Variants in UGT1A8 observed in about 807,000 individuals in gnomAD.
UGT1A8 encodes the protein UDP glucuronosyltransferase family 1 member A8.
UGT1A8 carries 39 observed loss-of-function variants against 45.3 expected under a neutral mutation model. The observed-to-expected ratio is 0.86, with a 90% CI of 0.67 to 1.12. The LOEUF (loss-of-function observed/expected upper bound fraction) is 1.12, where lower values mean the gene tolerates loss of function less well. Among genes scored for constraint, UGT1A8 ranks in the 50% most tolerant of loss-of-function variants. The pLI, the probability that UGT1A8 is intolerant of heterozygous loss-of-function variation, is 0.00. For synonymous variants in UGT1A8, 275 were observed against 249.2 expected, an observed-to-expected ratio of 1.10 and a Z score of -0.97; for missense variants, 719 against 664.9, an observed-to-expected ratio of 1.08 and a Z score of -0.90.
chr2:233,755,827 T>C (rs1696034290), intron 1 of UGT1A8: 1 of 152,236 alleles, frequency 6.6e-6, no homozygotes, highest in Admixed American at 6.5e-5. Flanking sequence ...AAAAGACATA[T>C]TCATTGGGCA....
intron 1 of UGT1A8, among the ~76,000 whole-genome samples, chr2:233,706,946 T>C (rs766226736): frequency 3.3e-5 from 5 of 152,114 alleles, no homozygotes; most frequent in Non-Finnish European, 7.4e-5. Context: ...GGAATGCTTG[T>C]GCAAGTCAGG....
intron 1 of UGT1A8, among the ~76,000 whole-genome samples, chr2:233,718,346 GATGTGCTGTGTTATTCAC>G: frequency 6.6e-6 from 1 of 152,362 alleles, no homozygotes; most frequent in East Asian, 1.9e-4. Flanking sequence ...ATGTCTTTTG[GATGTGCTGTGTTATTCAC>G]ATATGAGAAG....
chr2:233,650,778 A>T (rs1180891594), intron 1 of UGT1A8, among the ~76,000 whole-genome samples: 1 of 152,188 alleles, frequency 6.6e-6, no homozygotes, highest in African/African-American at 2.4e-5. Flanking sequence ...ACTAGATCCT[A>T]TTCAGACATG....
At chr2:233,652,710 T>C (rs2073768779) in intron 1 of UGT1A8, among the ~76,000 whole-genome samples, 1 of 152,182 alleles carries the variant, frequency 6.6e-6, no homozygotes. Flanking sequence ...GCCAAGACTG[T>C]TCAAATGGGA....
intron 1 of UGT1A8, among the ~76,000 whole-genome samples, chr2:233,643,769 C>A (rs185829542): frequency 6.6e-6 from 1 of 152,094 alleles, no homozygotes; most frequent in African/African-American, 2.4e-5. Flanking sequence ...AGGCGATGAA[C>A]GCTGGCAGGA....
At chr2:233,724,972 G>A (rs897028674) in intron 1 of UGT1A8, among the ~76,000 whole-genome samples, 4 of 135,404 alleles carry the variant, frequency 3.0e-5, no homozygotes, top group South Asian at 2.5e-4. Context: ...CGAGGTTGGC[G>A]GATCACTCGC....
intron 1 of UGT1A8, among the ~76,000 whole-genome samples, chr2:233,628,127 G>A (rs1222787430): frequency 6.6e-6 from 1 of 152,000 alleles, no homozygotes; most frequent in Non-Finnish European, 1.5e-5. Flanking sequence ...GCCTCTATAT[G>A]TTTGTATTTC....
At chr2:233,743,204 C>T (rs187896113) in intron 1 of UGT1A8, 20 of 388,964 alleles carry the variant, frequency 5.1e-5, no homozygotes, top group East Asian at 2.2e-4. Context: ...GGTGTCAATG[C>T]GGAGTAACTG....
intron 1 of UGT1A8, among the ~76,000 whole-genome samples, chr2:233,732,105 A>G (rs1386469627): frequency 6.6e-6 from 1 of 151,602 alleles, no homozygotes; most frequent in Admixed American, 6.6e-5. Flanking sequence ...GTCTGTTCAT[A>G]TCCTTTGCCC....
chr2:233,668,583 G>T (rs1014327810), intron 1 of UGT1A8, among the ~76,000 whole-genome samples: 5 of 152,300 alleles, frequency 3.3e-5, no homozygotes, highest in African/African-American at 4.8e-5. Context: ...TAATGGGATG[G>T]CTGGGTCAAA....
intron 1 of UGT1A8, among the ~76,000 whole-genome samples, chr2:233,684,147 C>T (rs1409199509): frequency 6.6e-6 from 1 of 152,182 alleles, no homozygotes; most frequent in East Asian, 1.9e-4. Context: ...CTTTGTAACA[C>T]AGTCACATTC....
In UGT1A8 at chr2:233,760,246, A is replaced by ATG. The variant is rs772016461; in HGVS notation, c.856-6787_856-6786insGT. 1.6e-5 allele frequency: 25 copies of ATG among 1,608,940 alleles called. No homozygotes were observed. The South Asian group carries it at 2.6e-4, about 17-fold the overall frequency. ...ATTGGTTTTTGCCATATATATATAT[A>ATG]TAAGTAGGAGAGGGCGAACCTCTGG... On this transcript the variant is annotated intron_variant, in intron 1 of 4. Coordinates refer to ENST00000373450, the MANE Select transcript of UGT1A8 (RefSeq NM_019076.5).
chr2:233,737,988 G>A (rs1334321954), intron 1 of UGT1A8, among the ~76,000 whole-genome samples: 1 of 152,024 alleles, frequency 6.6e-6, no homozygotes, highest in African/African-American at 2.4e-5. Context: ...GTTTGGCTCT[G>A]TGTCCCCCAC....
intron 1 of UGT1A8, among the ~76,000 whole-genome samples, chr2:233,645,718 T>C (rs2073583393): frequency 6.6e-6 from 1 of 152,240 alleles, no homozygotes; most frequent in Non-Finnish European, 1.5e-5. Context: ...CCCATGGTCT[T>C]AGGCAGCTCC....
At chr2:233,739,309 A>G (rs1691043770) in intron 1 of UGT1A8, among the ~76,000 whole-genome samples, 1 of 152,132 alleles carries the variant, frequency 6.6e-6, no homozygotes. Flanking sequence ...TGCCTAGTGG[A>G]GTTGTGAGAA....
chr2:233,667,466 G>T (rs1295383609), intron 1 of UGT1A8, among the ~76,000 whole-genome samples: 2 of 152,146 alleles, frequency 1.3e-5, no homozygotes, highest in Non-Finnish European at 2.9e-5. Context: ...CAGGACATAG[G>T]CATGGGCAAG....
intron 1 of UGT1A8, chr2:233,690,553 C>A (rs2074996047): frequency 7.8e-7 from 1 of 1,289,576 alleles, no homozygotes. Flanking sequence ...GAATATGTCC[C>A]AAGCCTGAGT....
intron 4 of UGT1A8, chr2:233,771,129 T>C (rs1305021368): frequency 6.6e-6 from 1 of 152,152 alleles, no homozygotes. Context: ...TCCGACCCCA[T>C]GATCCAAACA....
rs796155377 is a variant in UGT1A8 at position 233,747,484 on chromosome 2, G to A, written c.856-19550G>A. ...TCATGGACCCAGGATGAATTTGATC[G>A]CCTTGTGCTGGGCCACACTCAACTG... On this transcript the variant is annotated intron_variant, in intron 1 of 4. Transcript: ENST00000373450. The A allele has an allele frequency of 6.3e-5, 101 of 1,608,658 alleles. 5 individuals are homozygous for A. The African/African-American group carries it at 1.1e-3, about 17-fold the overall frequency.
Sources: allele counts gnomAD v4.1 joint callset (sites outside exome capture counted in the v4.1 genomes callset), GRCh38; gene constraint gnomAD v4.1.1; transcripts MANE v1.5; gene names NCBI Gene and HGNC (gene_info 2026-07-23, HGNC 2026-07-21).